Variants in SCN7A observed in about 807,000 individuals in gnomAD.
The protein encoded by SCN7A is sodium channel protein type 7 subunit alpha.
SCN7A carries 138 observed loss-of-function variants against 155.2 expected under a neutral mutation model. That is an observed-to-expected ratio of 0.89 (90% confidence interval 0.77 to 1.02). SCN7A has a LOEUF of 1.02. Ranked by LOEUF, SCN7A falls within the 50% of genes least tolerant of loss-of-function variation. SCN7A has a pLI of 0.00. For synonymous variants in SCN7A, 693 were observed against 649.0 expected (o/e 1.07, Z -1.03); for missense variants, 2,058 against 1,986.6 (o/e 1.04, Z -0.68).
chr2:166,423,961 C>T (rs1358533), intron 18 of SCN7A, among the ~76,000 whole-genome samples: 27,241 of 152,014 alleles, frequency 0.18, 3,111 homozygotes, highest in Non-Finnish European at 0.25. Context: ...TTAATGTCAA[C>T]CTTAATTTGA....
At chr2:166,410,158 T>C in intron 24 of SCN7A, 62 bp downstream of exon 24, 2 of 1,283,346 alleles carry the variant, frequency 1.6e-6, no homozygotes, top group Non-Finnish European at 2.1e-6. Flanking sequence ...GTTAAGGCTT[T>C]AAAAGAGAAT....
At chr2:166,459,736 T>G (rs1702359531) in intron 10 of SCN7A, among the ~76,000 whole-genome samples, 1 of 152,008 alleles carries the variant, frequency 6.6e-6, no homozygotes, top group Non-Finnish European at 1.5e-5. Context: ...CCAATGCCCA[T>G]CAACGTTAAA....
At chr2:166,438,848 G>A (rs1701891483) in intron 15 of SCN7A, among the ~76,000 whole-genome samples, 1 of 151,612 alleles carries the variant, frequency 6.6e-6, no homozygotes, top group South Asian at 2.1e-4. Flanking sequence ...TGGAAATGGA[G>A]GTTCATGTAA....
intron 1 of SCN7A, among the ~76,000 whole-genome samples, chr2:166,492,116 C>T (rs1159218784): frequency 1.3e-5 from 2 of 152,072 alleles, no homozygotes; most frequent in Non-Finnish European, 2.9e-5. Context: ...ATCTACCACA[C>T]GAGGCTACGG....
At chr2:166,416,354 C>A (rs1431032400) in intron 21 of SCN7A, among the ~76,000 whole-genome samples, 1 of 151,964 alleles carries the variant, frequency 6.6e-6, no homozygotes, top group Non-Finnish European at 1.5e-5. Context: ...GTTTGTACAC[C>A]CCCTCCCCTT....
At chr2:166,443,419 G>T in intron 14 of SCN7A, 84 bp downstream of exon 14, 2 of 1,100,792 alleles carry the variant, frequency 1.8e-6, no homozygotes, top group Non-Finnish European at 1.3e-6. Flanking sequence ...CAATGGGATA[G>T]GTATTACTGT....
At chr2:166,419,739 T>C (rs749673841) in intron 20 of SCN7A, among the ~76,000 whole-genome samples, 23 of 152,118 alleles carry the variant, frequency 1.5e-4, no homozygotes, top group Non-Finnish European at 3.1e-4. Context: ...GCCACCTTAT[T>C]TTGGTTTAAA....
chr2:166,490,958 C>CA (rs1009232446), intron 1 of SCN7A, among the ~76,000 whole-genome samples: 12 of 151,968 alleles, frequency 7.9e-5, no homozygotes, highest in Admixed American at 6.6e-4. Context: ...CTGAGTTGGG[C>CA]AAAAAATGTC....
intron 11 of SCN7A, among the ~76,000 whole-genome samples, chr2:166,450,940 T>C (rs548942211): frequency 6.6e-6 from 1 of 152,298 alleles, no homozygotes; most frequent in East Asian, 1.9e-4. Flanking sequence ...TAAAAACCAA[T>C]AGAAGTAATT....
intron 17 of SCN7A, 34 bp from the exon 18 acceptor site, chr2:166,427,976 A>G (rs1162057773): frequency 2.5e-6 from 4 of 1,600,824 alleles, no homozygotes; most frequent in East Asian, 2.2e-5. Flanking sequence ...ACAACAATCT[A>G]GAAAACTCAT....
chr2:166,427,906 C>T lies in SCN7A; in HGVS notation c.2735G>A (p.Gly912Glu). 6.2e-7 allele frequency: 1 copy of T among 1,612,772 alleles called. No homozygotes were observed. The highest frequency in any genetic ancestry group is 8.5e-7 in the Non-Finnish European group (1 of 1,179,240). The stretch of plus-strand genomic sequence containing the variant: ...CCAGATTTTTCCTTTCTTGGATGCT[C>T]CACTGATTTGACCAAGTGAAGATCC... ...RRGSSLGQIS[G>E]ASKKGKIWQN... Residue 912 changes from glycine to glutamate, a missense_variant, in exon 18 of 26, where the codon GGA becomes GAA. Physicochemically the swap from Gly to Glu is moderately conservative, Grantham distance 98 (BLOSUM62 -2). Transcript: ENST00000643258.
intron 25 of SCN7A, among the ~76,000 whole-genome samples, chr2:166,406,891 TC>T (rs1701088751): frequency 6.6e-6 from 1 of 151,998 alleles, no homozygotes; most frequent in Non-Finnish European, 1.5e-5. Flanking sequence ...TGTAACATCA[TC>T]TAAGAGTATT....
At chr2:166,465,632 A>C (rs1702513287) in intron 8 of SCN7A, 101 bp from the exon 9 acceptor site, 1 of 1,227,026 alleles carries the variant, frequency 8.1e-7, no homozygotes, top group South Asian at 1.3e-5. Context: ...ACCTTTCTGC[A>C]ATTGTGAAGA....
chr2:166,455,454 A>G (rs892199874), intron 11 of SCN7A, among the ~76,000 whole-genome samples: 2 of 152,110 alleles, frequency 1.3e-5, no homozygotes, highest in African/African-American at 4.8e-5. Flanking sequence ...CAGAAAACTA[A>G]ATACTGCATG....
rs970330399 is a variant in SCN7A at position 166,442,013 on chromosome 2, C to A, written c.1801-261G>T. Among the ~76,000 whole-genome samples the A allele has an allele frequency of 2.0e-5, 3 of 152,266 alleles. No individual in the cohort carries two copies. In the South Asian group the frequency reaches 6.2e-4, roughly 32 times the overall value. ...TAAGCATTATACTGTTACAATTCCT[C>A]TAGCTTTATATTTTATTAACTGTTA... On this transcript the variant is annotated intron_variant, in intron 14 of 25. Coordinates refer to ENST00000643258, the MANE Select transcript of SCN7A (RefSeq NM_002976.4).
chr2:166,437,695 A>T (rs1445357932), intron 15 of SCN7A, among the ~76,000 whole-genome samples: 1 of 152,120 alleles, frequency 6.6e-6, no homozygotes, highest in East Asian at 1.9e-4. Context: ...ATGGGAACCC[A>T]CCTCTTCCAT....
Position 166,472,390 on chromosome 2 carries a change from C to T in SCN7A, c.499G>A (p.Gly167Ser). ...FEILVKLFAR[G>S]VWAGSFSFLG... ...AAGGAAAATGATCCTGCCCAGACAC[C>T]TCTTGCAAAGAGTTTTACAAGTATT... Residue 167 changes from glycine (G) to serine (S), a missense_variant, in exon 6 of 26, where the codon GGT (glycine) becomes AGT (serine). Transcript: ENST00000643258. The T allele has an allele frequency of 1.9e-6, 3 of 1,608,030 alleles. No homozygotes were observed. Among genetic ancestry groups the T allele is most frequent in the Non-Finnish European group, 2.6e-6 (3 of 1,176,264 alleles).
chr2:166,493,260 G>A (rs549791772), intron 1 of SCN7A, among the ~76,000 whole-genome samples: 87 of 152,258 alleles, frequency 5.7e-4, no homozygotes, highest in African/African-American at 1.8e-3. Context: ...CATCATTTTC[G>A]TTAATGAAAG....
chr2:166,444,784 G>T lies in SCN7A; in HGVS notation c.1604C>A (p.Thr535Asn), dbSNP rs1239687083. ...EHYPMSKQTN[T>N]LLNIGNLVFI... ...TACCAGGTTTCCAATGTTGAGAAGA[G>T]TGTTAGTTTGTTTACTCATTGGATA... is the stretch of plus-strand genomic sequence containing the variant. Residue 535 changes from threonine to asparagine, a missense_variant, in exon 13 of 26, where the codon ACT becomes AAT. Transcript: ENST00000643258. 3 of 1,584,898 alleles carry T rather than the reference G, an allele frequency of 1.9e-6. No individual in the cohort carries two copies. Among genetic ancestry groups the T allele is most frequent in the Admixed American group, 3.5e-5 (2 of 57,316 alleles).
Sources: allele counts gnomAD v4.1 joint callset (sites outside exome capture counted in the v4.1 genomes callset), GRCh38; gene constraint gnomAD v4.1.1; transcripts MANE v1.5; gene names NCBI Gene and HGNC (gene_info 2026-07-23, HGNC 2026-07-21).